SORCS3: variants seen among roughly 807,000 people sequenced by gnomAD.
The protein encoded by SORCS3 is VPS10 domain-containing receptor SorCS3.
A neutral mutation model predicts 146.3 loss-of-function variants in SORCS3; 57 were observed. That is an observed-to-expected ratio of 0.39 (90% confidence interval 0.31 to 0.49). The LOEUF (loss-of-function observed/expected upper bound fraction) is 0.49, where lower values mean the gene tolerates loss of function less well. Ranked by LOEUF, SORCS3 falls within the 20% of genes least tolerant of loss-of-function variation. The probability of loss-of-function intolerance (pLI) is 0.92; values close to 1 mark genes in which losing one functional copy is unlikely to be tolerated. For missense variants in SORCS3, 1,341 were observed against 1,575.5 expected, an observed-to-expected ratio of 0.85 and a Z score of 2.52; for synonymous variants, 653 against 618.5, an observed-to-expected ratio of 1.06 and a Z score of -0.83.
chr10:104,967,158 G>A (rs191951291), intron 3 of SORCS3, among the ~76,000 whole-genome samples: 2 of 152,144 alleles, frequency 1.3e-5, no homozygotes, highest in Admixed American at 1.3e-4. Flanking sequence ...AGAGATGAGA[G>A]TGTTCATTCA....
At chr10:104,967,835 T>C (rs182321348) in intron 3 of SORCS3, among the ~76,000 whole-genome samples, 6 of 151,796 alleles carry the variant, frequency 4.0e-5, no homozygotes, top group African/African-American at 1.5e-4. Flanking sequence ...ATTTTTTTTT[T>C]TTTTGATAGA....
chr10:104,682,605 T>G (rs573223502), intron 1 of SORCS3, among the ~76,000 whole-genome samples: 2 of 152,226 alleles, frequency 1.3e-5, no homozygotes, highest in South Asian at 2.1e-4. Context: ...GAATAACTTA[T>G]GTAGGCAATA....
intron 5 of SORCS3, among the ~76,000 whole-genome samples, chr10:105,075,883 T>C (rs1047107181): frequency 1.2e-4 from 18 of 152,314 alleles, no homozygotes; most frequent in Admixed American, 3.3e-4. Context: ...TAGTCAAAAC[T>C]ACACAGCTGG....
chr10:104,976,947 A>G (rs2054901905), intron 3 of SORCS3, among the ~76,000 whole-genome samples: 2 of 152,090 alleles, frequency 1.3e-5, no homozygotes. Flanking sequence ...ATTAGGAGAT[A>G]TATCTAATGC....
intron 1 of SORCS3, among the ~76,000 whole-genome samples, chr10:104,651,612 T>G (rs2015560962): frequency 1.3e-5 from 2 of 150,594 alleles, no homozygotes; most frequent in African/African-American, 4.9e-5. Flanking sequence ...AGGCTGAGGC[T>G]GGAGAATCTC....
At chr10:104,928,584 G>A (rs946267210) in intron 3 of SORCS3, among the ~76,000 whole-genome samples, 2 of 150,958 alleles carry the variant, frequency 1.3e-5, no homozygotes, top group Admixed American at 6.6e-5. Flanking sequence ...ATGCCTCCTC[G>A]CCCCCAGTTC....
At chr10:104,793,994 G>A (rs1443532152) in intron 1 of SORCS3, among the ~76,000 whole-genome samples, 2 of 152,208 alleles carry the variant, frequency 1.3e-5, no homozygotes, top group African/African-American at 4.8e-5. Flanking sequence ...TGGCAGGTCA[G>A]TGATGGCAAA....
At chr10:104,916,403 C>G (rs1274022646) in intron 3 of SORCS3, among the ~76,000 whole-genome samples, 1 of 152,160 alleles carries the variant, frequency 6.6e-6, no homozygotes, top group African/African-American at 2.4e-5. Context: ...GTTTCTCCCA[C>G]GTGAAGGAAA....
intron 20 of SORCS3, among the ~76,000 whole-genome samples, chr10:105,241,100 GTCT>G (rs1021091598): frequency 5.9e-5 from 9 of 152,038 alleles, no homozygotes; most frequent in African/African-American, 2.2e-4. Context: ...GTATACTTGT[GTCT>G]TCTTTTCTCT....
rs547201256 is a variant in SORCS3 at position 105,147,482 on chromosome 10, C to T, written c.1303-135C>T. 3.0e-5 allele frequency: 20 copies of T among 660,544 alleles called. No individual in the cohort carries two copies. In the South Asian group the frequency reaches 5.8e-4, roughly 19 times the overall value. The allele number at this position is 660,544 out of a possible 1,614,324, so 40.9% of individuals were successfully genotyped here. ...CTTATAATTTATAGCCTTGGTTCAA[C>T]ATGGAATTGTTTAACATTGCCTATA... On this transcript the variant is annotated intron_variant, in intron 8 of 26. Transcript: ENST00000369701.
At chr10:104,895,218 A>G (rs1255494908) in intron 2 of SORCS3, among the ~76,000 whole-genome samples, 8 of 152,050 alleles carry the variant, frequency 5.3e-5, no homozygotes, top group Admixed American at 5.2e-4. Flanking sequence ...ATCCCTTTCC[A>G]CATCTGGGCA....
intron 5 of SORCS3, among the ~76,000 whole-genome samples, chr10:105,065,763 A>G (rs567982250): frequency 1.3e-5 from 2 of 152,330 alleles, no homozygotes; most frequent in African/African-American, 2.4e-5. Context: ...ACCAGACCTA[A>G]CTTGGAGCAT....
At chr10:104,937,321 G>C (rs1442848895) in intron 3 of SORCS3, among the ~76,000 whole-genome samples, 1 of 152,214 alleles carries the variant, frequency 6.6e-6, no homozygotes, top group Admixed American at 6.5e-5. Flanking sequence ...AGTTTGCCAC[G>C]TGGATCAATG....
At chr10:104,710,867 G>A (rs1209998784) in intron 1 of SORCS3, among the ~76,000 whole-genome samples, 6 of 152,200 alleles carry the variant, frequency 3.9e-5, no homozygotes, top group Non-Finnish European at 8.8e-5. Flanking sequence ...AGCATGAGGA[G>A]GAGGGGACAG....
chr10:104,830,832 G>T (rs1443007830), intron 1 of SORCS3, among the ~76,000 whole-genome samples: 1 of 151,784 alleles, frequency 6.6e-6, no homozygotes, highest in East Asian at 1.9e-4. Context: ...TTTCTTTTGA[G>T]GCAAGGTCTT....
intron 3 of SORCS3, among the ~76,000 whole-genome samples, chr10:104,964,691 A>T (rs912567671): frequency 6.6e-6 from 1 of 152,072 alleles, no homozygotes; most frequent in Admixed American, 6.6e-5. Context: ...TCTTATTTTT[A>T]TATTTATTTT....
At chr10:104,759,993 A>T (rs1026896131) in intron 1 of SORCS3, among the ~76,000 whole-genome samples, 1 of 152,224 alleles carries the variant, frequency 6.6e-6, no homozygotes, top group Middle Eastern at 3.2e-3. Context: ...ACAGCTAGAG[A>T]TACGGGGCCC....
At chr10:104,991,323 G>A (rs1373987783) in intron 4 of SORCS3, among the ~76,000 whole-genome samples, 1 of 152,044 alleles carries the variant, frequency 6.6e-6, no homozygotes, top group Non-Finnish European at 1.5e-5. Flanking sequence ...TCATGGTTCT[G>A]GAGGCCATAC....
At chr10:105,126,956 A>T (rs1335283406) in intron 7 of SORCS3, among the ~76,000 whole-genome samples, 1 of 152,080 alleles carries the variant, frequency 6.6e-6, no homozygotes, top group African/African-American at 2.4e-5. Flanking sequence ...TGCTTTCCCA[A>T]AGAGATGGTG....
Sources: allele counts gnomAD v4.1 joint callset (sites outside exome capture counted in the v4.1 genomes callset), GRCh38; gene constraint gnomAD v4.1.1; transcripts MANE v1.5; gene names NCBI Gene and HGNC (gene_info 2026-07-23, HGNC 2026-07-21).